The following MEIS1 variants were observed in gnomAD, a reference collection of about 807,000 sequenced individuals.
MEIS1 encodes the protein homeobox protein Meis1.
In MEIS1, 5 loss-of-function variants were observed where a neutral mutation model predicts 50.8. The observed-to-expected ratio is 0.10, with a 90% CI of 0.05 to 0.21. The LOEUF is 0.21. Ranked by LOEUF, MEIS1 falls within the 10% of genes least tolerant of loss-of-function variation. The pLI is 1.00. For synonymous variants in MEIS1, 176 were observed against 179.3 expected, an observed-to-expected ratio of 0.98 and a Z score of 0.15; for missense variants, 318 against 517.3, an observed-to-expected ratio of 0.61 and a Z score of 3.74.
At chr2:66,493,003 C>T (rs537981653) in intron 7 of MEIS1, among the ~76,000 whole-genome samples, 8 of 152,284 alleles carry the variant, frequency 5.3e-5, no homozygotes, top group Non-Finnish European at 8.8e-5. Context: ...GCTGATACCC[C>T]ACTCAGGTGG....
intron 8 of MEIS1, among the ~76,000 whole-genome samples, chr2:66,538,313 T>C (rs1674568139): frequency 2.0e-5 from 3 of 152,236 alleles, no homozygotes; most frequent in Non-Finnish European, 4.4e-5. Context: ...TGTAAAATAA[T>C]GGTAAGAGTA....
intron 1 of MEIS1, 122 bp from the exon 2 acceptor site, chr2:66,437,615 G>A (rs1300860763): frequency 2.5e-6 from 2 of 796,910 alleles, no homozygotes; most frequent in Non-Finnish European, 2.2e-6. Flanking sequence ...TAGATGCAAG[G>A]CCACCGAATT....
chr2:66,520,781 C>A (rs982197212), intron 8 of MEIS1, among the ~76,000 whole-genome samples: 12 of 152,080 alleles, frequency 7.9e-5, no homozygotes, highest in Admixed American at 6.6e-4. Context: ...GTAAGGTGGG[C>A]AGCATGACAA....
intron 7 of MEIS1, among the ~76,000 whole-genome samples, chr2:66,495,080 CT>C (rs70943701): frequency 0.43 from 39,491 of 91,602 alleles, 10,936 homozygotes; most frequent in Non-Finnish European, 0.51. Flanking sequence ...CTCTTCTGAC[CT>C]TTTTTTTTTT....
At chr2:66,501,026 T>G (rs1317102175) in intron 7 of MEIS1, among the ~76,000 whole-genome samples, 1 of 152,186 alleles carries the variant, frequency 6.6e-6, no homozygotes, top group Non-Finnish European at 1.5e-5. Context: ...AGATCCTATA[T>G]GGGGTACTTT....
At chr2:66,468,509 C>T (rs1672692682) in intron 7 of MEIS1, among the ~76,000 whole-genome samples, 1 of 152,176 alleles carries the variant, frequency 6.6e-6, no homozygotes, top group Admixed American at 6.5e-5. Flanking sequence ...CATCCCCTCA[C>T]TTTTCAAGTG....
intron 2 of MEIS1, chr2:66,439,163 A>G (rs2103676168): frequency 2.0e-6 from 1 of 502,628 alleles, no homozygotes; most frequent in Non-Finnish European, 2.6e-6. Context: ...GCCACTTCGC[A>G]GAGACAAAAT....
chr2:66,478,587 G>A (rs1479557370), intron 7 of MEIS1, among the ~76,000 whole-genome samples: 1 of 152,180 alleles, frequency 6.6e-6, no homozygotes, highest in Non-Finnish European at 1.5e-5. Flanking sequence ...TGTGGTCTTT[G>A]TTCCAAACAT....
Position 66,477,113 on chromosome 2 carries a change from G to C in MEIS1, c.742+12893G>C, listed in dbSNP as rs1573162361. On this transcript the variant is annotated intron_variant, in intron 7 of 12. Coordinates refer to ENST00000272369, the MANE Select transcript of MEIS1 (RefSeq NM_002398.3). ...TCTGGCATTGGTTTAGCAGGCAGTA[G>C]GGAGTCATTGGAAATGTGAGGGTTG... Among the ~76,000 whole-genome samples the C allele has an allele frequency of 2.6e-5, 4 of 152,256 alleles. No individual in the cohort carries two copies. In the Middle Eastern group the frequency reaches 0.014, roughly 518 times the overall value.
At chr2:66,488,665 G>A (rs1206392426) in intron 7 of MEIS1, among the ~76,000 whole-genome samples, 3 of 152,136 alleles carry the variant, frequency 2.0e-5, no homozygotes, top group African/African-American at 7.2e-5. Flanking sequence ...GCGACAAAGC[G>A]AGACTCCATC....
At chr2:66,471,592 C>T (rs944710093) in intron 7 of MEIS1, among the ~76,000 whole-genome samples, 5 of 152,160 alleles carry the variant, frequency 3.3e-5, no homozygotes, top group Non-Finnish European at 7.3e-5. Flanking sequence ...ACTTTTGTCT[C>T]CCAAGACTCA....
intron 6 of MEIS1, among the ~76,000 whole-genome samples, chr2:66,457,059 G>T (rs1246523363): frequency 3.3e-5 from 5 of 151,098 alleles, no homozygotes; most frequent in Admixed American, 3.3e-4. Flanking sequence ...ATGCTCAAAA[G>T]GTAAGAGCAG....
chr2:66,567,772 CA>C, intron 10 of MEIS1: 1 of 600,248 alleles, frequency 1.7e-6, no homozygotes, highest in South Asian at 2.0e-5. Context: ...TCTTTGTACA[CA>C]TTCAATATAT....
chr2:66,496,439 C>A (rs982379017), intron 7 of MEIS1, among the ~76,000 whole-genome samples: 1 of 152,058 alleles, frequency 6.6e-6, no homozygotes, highest in Non-Finnish European at 1.5e-5. Context: ...CCTGACCAGG[C>A]CTGGTCAGTG....
chr2:66,462,774 A>G (rs1187916090), intron 6 of MEIS1, among the ~76,000 whole-genome samples: 3 of 152,202 alleles, frequency 2.0e-5, no homozygotes, highest in African/African-American at 4.8e-5. Flanking sequence ...CAGCAGATCA[A>G]TTAGCACTGT....
chr2:66,455,926 T>G (rs888358971), intron 6 of MEIS1, among the ~76,000 whole-genome samples: 3 of 152,208 alleles, frequency 2.0e-5, no homozygotes, highest in Non-Finnish European at 4.4e-5. Context: ...TGAACCCATG[T>G]GCACACTCAT....
Position 66,559,608 on chromosome 2 carries a change from A to G in MEIS1, c.966-7845A>G, listed in dbSNP as rs184848715. Among the ~76,000 whole-genome samples the G allele has an allele frequency of 1.7e-3, 264 of 152,274 alleles. 1 individual carries two copies. Among genetic ancestry groups the G allele is most frequent in the Admixed American group, 0.015 (223 of 15,298 alleles). ...ACTTCTGTTCTTTGAAGACATTATT[A>G]TACCTATTTTAGCTTTTTCATTAGT... On this transcript the variant is annotated intron_variant, in intron 9 of 12. Transcript: ENST00000272369.
At chr2:66,495,594 ACT>A (rs1673382495) in intron 7 of MEIS1, among the ~76,000 whole-genome samples, 1 of 152,098 alleles carries the variant, frequency 6.6e-6, no homozygotes, top group South Asian at 2.1e-4. Flanking sequence ...TGTAAATTAT[ACT>A]CTCATAGACC....
At chr2:66,466,504 G>A (rs944233631) in intron 7 of MEIS1, among the ~76,000 whole-genome samples, 1 of 152,296 alleles carries the variant, frequency 6.6e-6, no homozygotes, top group African/African-American at 2.4e-5. Context: ...CATGCCAACC[G>A]TCACCCTTCT....
Sources: gnomAD v4.1 joint callset for allele counts (sites outside exome capture counted in the v4.1 genomes callset) on GRCh38, gnomAD v4.1.1 for gene constraint, MANE v1.5 for transcripts, NCBI Gene and HGNC (gene_info 2026-07-23, HGNC 2026-07-21) for gene names.